The following MYH8 variants were observed in gnomAD, a reference collection of about 807,000 sequenced individuals.
MYH8 encodes the protein myosin heavy chain 8.
In MYH8, 168 loss-of-function variants were observed where a neutral mutation model predicts 233.2. The ratio of observed to expected loss-of-function variants is 0.72; its 90% CI spans 0.64 to 0.82. The LOEUF is 0.82. MYH8 is among the 40% of genes least tolerant of loss of function. MYH8 has a pLI of 0.00. For missense variants in MYH8, 1,995 were observed against 2,327.8 expected, an observed-to-expected ratio of 0.86 and a Z score of 2.94; for synonymous variants, 785 against 850.6, an observed-to-expected ratio of 0.92 and a Z score of 1.34.
intron 15 of MYH8, among the ~76,000 whole-genome samples, chr17:10,410,293 G>A (rs531113255): frequency 1.3e-5 from 2 of 152,138 alleles, no homozygotes; most frequent in East Asian, 3.9e-4. Flanking sequence ...ACAGAGTGAG[G>A]CCCTGTCTCA....
At chr17:10,399,926 G>A (rs867373305) in intron 27 of MYH8, among the ~76,000 whole-genome samples, 1 of 152,158 alleles carries the variant, frequency 6.6e-6, no homozygotes, top group Non-Finnish European at 1.5e-5. Flanking sequence ...TTAATAGGCC[G>A]GGCGCGGTGG....
chr17:10,419,022 A>T lies in MYH8; in HGVS notation c.219T>A (p.Thr73=). 6.2e-7 allele frequency: 1 copy of T among 1,614,096 alleles called. No homozygotes were observed. Among genetic ancestry groups the T allele is most frequent in the Non-Finnish European group, 8.5e-7 (1 of 1,180,006 alleles). Residue 73 remains threonine (T), a synonymous_variant, in exon 4 of 40, where the codon ACT becomes ACA. Coordinates refer to ENST00000403437, the MANE Select transcript of MYH8 (RefSeq NM_002472.3). The surrounding 1 kb of genome is among the most constrained non-coding windows in gnomAD (Gnocchi z 4.0). Reference sequence around the variant, plus strand: ...TAGGGAAGACTTGGTCTTCCCTGACAGTTAGAGTCTGGTGAGTAAGCAAGA... The same window carrying T: ...TAGGGAAGACTTGGTCTTCCCTGACTGTTAGAGTCTGGTGAGTAAGCAAGA... ...TVKTEGGATL[T]VREDQVFPMN...
At chr17:10,391,616 G>T (rs1242634760) in intron 39 of MYH8, among the ~76,000 whole-genome samples, 1 of 152,104 alleles carries the variant, frequency 6.6e-6, no homozygotes, top group East Asian at 1.9e-4. Context: ...GGAGGCAGAG[G>T]TTGCAGTGAG....
rs1355031105 is a variant in MYH8 at position 10,406,107 on chromosome 17, G to C, written c.2366C>G (p.Thr789Arg). The C allele has an allele frequency of 6.2e-7, 1 of 1,614,024 alleles. No individual in the cohort carries two copies. The highest frequency in any genetic ancestry group is 1.7e-5 in the Admixed American group (1 of 60,020). The change falls in exon 21 of 40, where the codon ACA (threonine) becomes AGA (arginine). Residue 789 changes from threonine to arginine, a missense_variant. Physicochemically the swap from Thr to Arg is moderately conservative, Grantham distance 71 (BLOSUM62 -1). This residue lies in a region of MYH8 where 1,498 missense variants were observed against 1,680.9 expected (regional missense o/e 0.89). Coordinates refer to ENST00000403437, the MANE Select transcript of MYH8 (RefSeq NM_002472.3). ...TCCCCTACAGACAGCTTGTGTTCTT[G>C]TTATAATTTGGGCTAATTTTTCATC... ...MRDEKLAQII[T>R]RTQAVCRGFL...
At chr17:10,409,704 A>G in intron 15 of MYH8, 116 bp from the exon 16 acceptor site, 1 of 1,382,552 alleles carries the variant, frequency 7.2e-7, no homozygotes, top group Admixed American at 1.9e-5. Flanking sequence ...TATGAAATAA[A>G]CCAGGGTCAC....
Position 10,399,674 on chromosome 17 carries a change from A to G in MYH8, c.3736-5T>C, listed in dbSNP as rs1376835173. 8 of 1,613,892 alleles carry G rather than the reference A, an allele frequency of 5.0e-6. No individual in the cohort carries two copies. Among genetic ancestry groups the G allele is most frequent in the Non-Finnish European group, 5.9e-6 (7 of 1,179,976 alleles). Reference sequence around the variant, plus strand: ...GCACATCTTTTCAAGGTTTCCCTACAGGATATGTAGCAATGAAAGATGAGA... The same window carrying G: ...GCACATCTTTTCAAGGTTTCCCTACGGGATATGTAGCAATGAAAGATGAGA... On this transcript the variant is annotated splice_region_variant and splice_polypyrimidine_tract_variant and intron_variant, in intron 27 of 39. Coordinates refer to ENST00000403437, the MANE Select transcript of MYH8 (RefSeq NM_002472.3).
rs2072035756 is a variant in MYH8, at chr17:10,392,557, T to A, written c.5553A>T (p.Lys1851Asn). The A allele has an allele frequency of 3.1e-6, 5 of 1,614,108 alleles. No homozygotes were observed. The South Asian group carries it at 5.5e-5, about 18-fold the overall frequency. ...KGLRKHERRV[K>N]ELTYQTEEDR... ...TTCCCTTTACCTGGTAGGTGAGTTC[T>A]TTTACTCGTCGCTCATGTTTCCGTA... Residue 1851 changes from lysine to asparagine, a missense_variant, in exon 38 of 40, where the codon AAA becomes AAT. By Grantham distance (94) the Lys-to-Asn change is moderately conservative. This residue lies in a region of MYH8 where 1,498 missense variants were observed against 1,680.9 expected (regional missense o/e 0.89). Coordinates refer to ENST00000403437, the MANE Select transcript of MYH8 (RefSeq NM_002472.3).
In MYH8 at chr17:10,415,063, C is replaced by T. The variant is rs2072277005; in HGVS notation, c.805+53G>A. ...CAGCAAGGGTGGCAAAATATCCCTG[C>T]AAATGAAATCACTTGTCTCTCTGTT... is the stretch of plus-strand genomic sequence containing the variant. On this transcript the variant is annotated intron_variant, in intron 9 of 39. Coordinates refer to ENST00000403437, the MANE Select transcript of MYH8 (RefSeq NM_002472.3). The surrounding 1 kb of genome is among the most constrained non-coding windows in gnomAD (Gnocchi z 4.1). The T allele has an allele frequency of 1.9e-6, 3 of 1,554,368 alleles. No homozygotes were observed. The highest frequency in any genetic ancestry group is 2.7e-6 in the Non-Finnish European group (3 of 1,125,918).
intron 38 of MYH8, among the ~76,000 whole-genome samples, chr17:10,392,289 A>T (rs2072033240): frequency 6.7e-6 from 1 of 148,818 alleles, no homozygotes; most frequent in African/African-American, 2.6e-5. Flanking sequence ...GAGAGGCCAA[A>T]CTAGGACTAA....
chr17:10,403,143 T>C (rs1026409349), intron 22 of MYH8, among the ~76,000 whole-genome samples: 39 of 152,350 alleles, frequency 2.6e-4, no homozygotes, highest in Admixed American at 2.3e-3. Flanking sequence ...AACAGTGATA[T>C]GTTATGAACC....
chr17:10,407,790 G>A (rs542190961), intron 17 of MYH8, among the ~76,000 whole-genome samples: 1 of 151,926 alleles, frequency 6.6e-6, no homozygotes, highest in South Asian at 2.1e-4. Context: ...AGTGAGCTGA[G>A]ATTGTGTCAC....
At chr17:10,402,188 G>T (rs1320058994) in intron 22 of MYH8, among the ~76,000 whole-genome samples, 1 of 152,072 alleles carries the variant, frequency 6.6e-6, no homozygotes, top group Admixed American at 6.6e-5. Context: ...ATAAATGATT[G>T]CCAAGAGCTT....
chr17:10,408,750 A>C (rs942406713), intron 17 of MYH8, among the ~76,000 whole-genome samples: 2 of 152,228 alleles, frequency 1.3e-5, no homozygotes, highest in Non-Finnish European at 2.9e-5. Flanking sequence ...AGAGGAACTC[A>C]GGAACATTTT....
chr17:10,406,419 GAATGGTTAGGAA>G, intron 19 of MYH8, 22 bp from the exon 20 acceptor site: 1 of 1,613,756 alleles, frequency 6.2e-7, no homozygotes, highest in Non-Finnish European at 8.5e-7. Flanking sequence ...AAGAAAGAAA[GAATGGTTAGGAA>G]AATGTGACCA....
Position 10,392,848 on chromosome 17 carries a change from G to A in MYH8, c.5446C>T (p.Gln1816Ter). The A allele has an allele frequency of 6.2e-7, 1 of 1,614,128 alleles. No individual in the cohort carries two copies. Among genetic ancestry groups the A allele is most frequent in the South Asian group, 1.1e-5 (1 of 91,074 alleles). ...ACACCCACCCTGGCCTCCAGTTTCT[G>A]GATCTGCTTCTTCCCACCCTTCAGC... ...LALKGGKKQIQKLEARVRELE... is the reference protein window; with the variant it reads ...LALKGGKKQI The change falls in exon 37 of 40, where the codon CAG (glutamine) becomes TAG (stop). Residue 1816 changes from glutamine (Q) to a stop codon, truncating the protein, a stop_gained. Transcript: ENST00000403437. LOFTEE classifies it high-confidence loss of function.
At position 10,419,135 on chromosome 17, in the gene MYH8, G is replaced by T. The variant is rs2072314605; in HGVS notation, c.211-105C>A. On this transcript the variant is annotated intron_variant, in intron 3 of 39. Coordinates refer to ENST00000403437, the MANE Select transcript of MYH8 (RefSeq NM_002472.3). The surrounding 1 kb of genome is among the most constrained non-coding windows in gnomAD (Gnocchi z 4.0). ...TGCAGTGGCGCGATCTCAGCTCACT[G>T]CAACCTCCGCCCTCCTGCTTCAAGT... is the stretch of plus-strand genomic sequence containing the variant. 4 of 1,300,040 alleles carry T rather than the reference G, an allele frequency of 3.1e-6. No individual in the cohort carries two copies. Among genetic ancestry groups the T allele is most frequent in the Non-Finnish European group, 3.3e-6 (3 of 915,538 alleles). 80.5% of individuals were successfully genotyped at this position (1,300,040 alleles called of 1,614,324 possible). A position where few individuals can be genotyped will look rare whatever the true frequency, so the allele number is the denominator to read the frequency against.
chr17:10,410,613 C>T (rs954930306), intron 15 of MYH8, among the ~76,000 whole-genome samples, 164 bp downstream of exon 15: 7 of 152,184 alleles, frequency 4.6e-5, no homozygotes, highest in Admixed American at 2.6e-4. Flanking sequence ...ACTGTCAGAT[C>T]TTTCTTATGT....
chr17:10,407,135 CTGCCAAA>C (rs2072202077), intron 17 of MYH8, among the ~76,000 whole-genome samples, 156 bp from the exon 18 acceptor site: 1 of 152,122 alleles, frequency 6.6e-6, no homozygotes, highest in Non-Finnish European at 1.5e-5. Flanking sequence ...GAGTTCTAGC[CTGCCAAA>C]TAACAAAAAG....
chr17:10,414,108 A>T lies in MYH8; in HGVS notation c.1009-68T>A, dbSNP rs1006727995. 3.1e-6 allele frequency: 5 copies of T among 1,610,104 alleles called. No individual in the cohort carries two copies. In the African/African-American group the frequency reaches 6.7e-5, roughly 21 times the overall value. On this transcript the variant is annotated intron_variant, in intron 11 of 39. Coordinates refer to ENST00000403437, the MANE Select transcript of MYH8 (RefSeq NM_002472.3). ...CTAACTTATAAGAGAATTTATACAT[A>T]TCCTAAGGTAACCACACCTACAGTA...
Sources: allele counts gnomAD v4.1 joint callset (sites outside exome capture counted in the v4.1 genomes callset), GRCh38; gene constraint gnomAD v4.1.1; regional missense constraint gnomAD v4.1.1; non-coding constraint Gnocchi (gnomAD v3.1); transcripts MANE v1.5; gene names NCBI Gene and HGNC (gene_info 2026-07-23, HGNC 2026-07-21).